POU6F2: variants seen among roughly 807,000 people sequenced by gnomAD.
POU6F2 encodes the protein POU domain, class 6, transcription factor 2.
In POU6F2, 31 loss-of-function variants were observed where a neutral mutation model predicts 71.3. That is an observed-to-expected ratio of 0.43 (90% CI 0.33 to 0.59). The LOEUF (loss-of-function observed/expected upper bound fraction) is 0.59, where lower values mean the gene tolerates loss of function less well. POU6F2 is among the 20% of genes least tolerant of loss of function. The pLI, the probability that POU6F2 is intolerant of heterozygous loss-of-function variation, is 0.04. For missense variants in POU6F2, 783 were observed against 856.8 expected (o/e 0.91, Z 1.07); for synonymous variants, 347 against 355.7 (o/e 0.98, Z 0.27).
Position 39,140,526 on chromosome 7 carries a change from TGC to T in POU6F2, c.277+54496_277+54497del, listed in dbSNP as rs1042054514. Reference sequence around the variant, plus strand: ...TGTTCCTCTTTCAGTTTCTGGTGGCTGCTGGCAGCCATTGGCTTGTGGCCACA... The same window carrying T: ...TGTTCCTCTTTCAGTTTCTGGTGGCTTGGCAGCCATTGGCTTGTGGCCACA... On this transcript the variant is annotated intron_variant, in intron 2 of 9. Transcript: ENST00000518318. Among the ~76,000 whole-genome samples the T allele has an allele frequency of 2.0e-3, 307 of 152,374 alleles. 1 individual carries two copies. The highest frequency in any genetic ancestry group is 7.0e-3 in the African/African-American group (289 of 41,580).
At chr7:39,202,050 T>C (rs1284135506) in intron 2 of POU6F2, among the ~76,000 whole-genome samples, 1 of 152,230 alleles carries the variant, frequency 6.6e-6, no homozygotes, top group African/African-American at 2.4e-5. Flanking sequence ...TTGTGTGGAA[T>C]TGCCCTGGAC....
At chr7:39,110,280 AAAAAAAT>A (rs1791780819) in intron 2 of POU6F2, among the ~76,000 whole-genome samples, 1 of 151,144 alleles carries the variant, frequency 6.6e-6, no homozygotes. Context: ...AAAAAAAAAA[AAAAAAAT>A]GAATTAAATT....
At chr7:39,276,303 G>C (rs948144705) in intron 4 of POU6F2, among the ~76,000 whole-genome samples, 58 of 152,190 alleles carry the variant, frequency 3.8e-4, no homozygotes, top group Non-Finnish European at 3.8e-4. Context: ...ATGAAAATAT[G>C]CTCACCATCA....
chr7:39,458,003 C>A (rs1788843691), intron 8 of POU6F2, among the ~76,000 whole-genome samples: 2 of 151,996 alleles, frequency 1.3e-5, no homozygotes, highest in South Asian at 4.2e-4. Flanking sequence ...AATTGCCCTC[C>A]TTCCTCCCCA....
chr7:39,094,965 C>T (rs1791426088), intron 2 of POU6F2, among the ~76,000 whole-genome samples: 1 of 151,892 alleles, frequency 6.6e-6, no homozygotes, highest in South Asian at 2.1e-4. Context: ...CAAAATATTG[C>T]AAAATAGAAA....
Position 39,249,070 on chromosome 7 carries a change from C to T in POU6F2, c.598+41450C>T, listed in dbSNP as rs73380920. 7.1e-3 allele frequency among the ~76,000 whole-genome samples: 1,075 copies of T among 152,284 alleles called. 7 individuals are homozygous for T. The highest frequency in any genetic ancestry group is 0.025 in the African/African-American group (1,036 of 41,560). ...TATATTTGTTCCCCATGCAGGTCTC[C>T]ATATTCCACCCATCCATGCCTCCTG... On this transcript the variant is annotated intron_variant, in intron 4 of 9. Coordinates refer to ENST00000518318, the MANE Select transcript of POU6F2 (RefSeq NM_001370959.1).
intron 4 of POU6F2, among the ~76,000 whole-genome samples, chr7:39,230,291 C>T (rs1257423720): frequency 6.6e-6 from 1 of 151,938 alleles, no homozygotes; most frequent in Non-Finnish European, 1.5e-5. Flanking sequence ...CCAACCTGAG[C>T]AACATAGTGA....
chr7:39,084,403 C>T (rs939400901), intron 1 of POU6F2, among the ~76,000 whole-genome samples: 1 of 152,034 alleles, frequency 6.6e-6, no homozygotes, highest in Non-Finnish European at 1.5e-5. Flanking sequence ...TTAATTTTGC[C>T]CTCCAGTGGA....
In POU6F2 at chr7:39,137,134, G is replaced by A. The variant is rs183270330; in HGVS notation, c.277+51103G>A. On this transcript the variant is annotated intron_variant, in intron 2 of 9. Transcript: ENST00000518318. ...ATTGTATATTATCAGAAAGCTAAAAGAGGATTTTAAATGCTCACCAAGCAA... is the reference window on the plus strand; with the variant it reads ...ATTGTATATTATCAGAAAGCTAAAAAAGGATTTTAAATGCTCACCAAGCAA... 1.8e-3 allele frequency among the ~76,000 whole-genome samples: 273 copies of A among 151,404 alleles called. 2 individuals are homozygous for A. The highest frequency in any genetic ancestry group is 0.017 in the South Asian group (82 of 4,782).
At chr7:39,405,505 G>A (rs1787403775) in intron 5 of POU6F2, among the ~76,000 whole-genome samples, 1 of 152,120 alleles carries the variant, frequency 6.6e-6, no homozygotes, top group Non-Finnish European at 1.5e-5. Flanking sequence ...ATGGATGTGG[G>A]AACTGGTGAT....
chr7:39,225,875 C>T (rs2128749160), intron 4 of POU6F2, among the ~76,000 whole-genome samples: 1 of 151,944 alleles, frequency 6.6e-6, no homozygotes, highest in Admixed American at 6.6e-5. Context: ...GATTTCATGC[C>T]ATAAAAACAC....
intron 1 of POU6F2, among the ~76,000 whole-genome samples, chr7:39,064,516 T>C (rs1478656249): frequency 6.6e-6 from 1 of 150,582 alleles, no homozygotes; most frequent in Admixed American, 6.6e-5. Flanking sequence ...AAACTCCAAA[T>C]GACAAATGAA....
intron 4 of POU6F2, among the ~76,000 whole-genome samples, chr7:39,334,648 A>C (rs1430408954): frequency 2.0e-5 from 3 of 152,092 alleles, no homozygotes; most frequent in Admixed American, 6.5e-5. Context: ...CAGGCTAGGG[A>C]TACCCTTACT....
intron 4 of POU6F2, among the ~76,000 whole-genome samples, chr7:39,222,616 A>C (rs1293595349): frequency 6.6e-6 from 1 of 152,114 alleles, no homozygotes; most frequent in Non-Finnish European, 1.5e-5. Flanking sequence ...TGTCTCTATG[A>C]ATTTGACCAC....
intron 1 of POU6F2, among the ~76,000 whole-genome samples, chr7:39,077,095 A>G (rs1179862895): frequency 1.3e-5 from 2 of 152,326 alleles, no homozygotes; most frequent in East Asian, 3.9e-4. Flanking sequence ...AGAGTGTATG[A>G]ATATAGGGTA....
intron 1 of POU6F2, chr7:39,085,267 A>G (rs934698381): frequency 6.6e-6 from 1 of 152,158 alleles, no homozygotes; most frequent in Non-Finnish European, 1.5e-5. Context: ...GCCAACTTCT[A>G]AGGGTGCTTA....
At chr7:39,405,221 C>G (rs781767361) in intron 5 of POU6F2, among the ~76,000 whole-genome samples, 1 of 151,990 alleles carries the variant, frequency 6.6e-6, no homozygotes, top group Non-Finnish European at 1.5e-5. Flanking sequence ...AATTCCTGTC[C>G]TTTTTGATGT....
chr7:39,369,348 CTT>C (rs112190402), intron 5 of POU6F2, among the ~76,000 whole-genome samples: 1 of 149,248 alleles, frequency 6.7e-6, no homozygotes, highest in Non-Finnish European at 1.5e-5. Context: ...TGATTGTTAG[CTT>C]TTTTTTTTCT....
At position 39,377,141 on chromosome 7, in the gene POU6F2, A is replaced by T. The variant is rs573441117; in HGVS notation, c.973-29459A>T. 5.7e-4 allele frequency among the ~76,000 whole-genome samples: 85 copies of T among 149,598 alleles called. No homozygotes were observed. In the Middle Eastern group the frequency reaches 0.011, roughly 19 times the overall value. Reference sequence around the variant, plus strand: ...TAAATATATTTATAATTATATATATATTTTTTTGAGATGGAGTCTCATTCT... The same window carrying T: ...TAAATATATTTATAATTATATATATTTTTTTTTGAGATGGAGTCTCATTCT... On this transcript the variant is annotated intron_variant, in intron 5 of 9. Transcript: ENST00000518318.
Sources: gnomAD v4.1 joint callset for allele counts (sites outside exome capture counted in the v4.1 genomes callset) on GRCh38, gnomAD v4.1.1 for gene constraint, MANE v1.5 for transcripts, NCBI Gene and HGNC (gene_info 2026-07-23, HGNC 2026-07-21) for gene names.